Variants in ZNF827 observed in about 807,000 individuals in gnomAD.
The protein encoded by ZNF827 is zinc finger protein 827.
ZNF827 carries 13 observed loss-of-function variants against 102.4 expected under a neutral mutation model. That is an observed-to-expected ratio of 0.13 (90% CI 0.08 to 0.20). ZNF827 has a LOEUF of 0.20. Ranked by LOEUF, ZNF827 falls within the 10% of genes least tolerant of loss-of-function variation. The pLI, the probability that ZNF827 is intolerant of heterozygous loss-of-function variation, is 1.00. For synonymous variants in ZNF827, 523 were observed against 536.2 expected (o/e 0.98, Z 0.34); for missense variants, 1,103 against 1,344.4 (o/e 0.82, Z 2.81).
chr4:145,780,969 G>A (rs574530017), intron 8 of ZNF827, among the ~76,000 whole-genome samples: 23 of 152,280 alleles, frequency 1.5e-4, no homozygotes, highest in Non-Finnish European at 2.6e-4. Context: ...GGCCGAGGCA[G>A]GGGGATCACA....
At chr4:145,872,323 A>T (rs1281950857) in intron 4 of ZNF827, among the ~76,000 whole-genome samples, 2 of 151,600 alleles carry the variant, frequency 1.3e-5, no homozygotes, top group Admixed American at 6.6e-5. Flanking sequence ...GAATAAGAAG[A>T]GAGAGAGAGA....
intron 4 of ZNF827, 76 bp from the exon 5 acceptor site, chr4:145,870,554 G>A (rs1192625435): frequency 1.6e-6 from 2 of 1,276,930 alleles, no homozygotes; most frequent in Non-Finnish European, 2.2e-6. Flanking sequence ...ACTTCACGAA[G>A]TATGGAATGC....
At chr4:145,823,660 G>T in intron 7 of ZNF827, 135 bp from the exon 8 acceptor site, 1 of 631,540 alleles carries the variant, frequency 1.6e-6, no homozygotes. Flanking sequence ...GTGAATATAA[G>T]AAGATTGTGC....
intron 1 of ZNF827, among the ~76,000 whole-genome samples, chr4:145,922,697 CTGAGT>C (rs771302878): frequency 1.6e-4 from 24 of 152,200 alleles, no homozygotes; most frequent in Admixed American, 3.3e-4. Context: ...ACATGTGTGA[CTGAGT>C]TAAGAGCCGA....
At chr4:145,808,883 C>G (rs543747200) in intron 8 of ZNF827, among the ~76,000 whole-genome samples, 63 of 152,280 alleles carry the variant, frequency 4.1e-4, no homozygotes, top group African/African-American at 1.5e-3. Context: ...TCACTGCAGC[C>G]TTGAACTCCT....
At chr4:145,850,005 C>T (rs1002036705) in intron 5 of ZNF827, among the ~76,000 whole-genome samples, 7 of 152,034 alleles carry the variant, frequency 4.6e-5, no homozygotes, top group Middle Eastern at 3.4e-3. Flanking sequence ...TGGTTTTCTC[C>T]CTCTATTTTT....
intron 2 of ZNF827, among the ~76,000 whole-genome samples, chr4:145,895,682 A>G (rs1445192022): frequency 6.6e-6 from 1 of 152,230 alleles, no homozygotes; most frequent in African/African-American, 2.4e-5. Flanking sequence ...TATTTATTCA[A>G]GAAAGAAATT....
intron 8 of ZNF827, among the ~76,000 whole-genome samples, chr4:145,797,793 A>G (rs992791006): frequency 6.6e-6 from 1 of 152,172 alleles, no homozygotes; most frequent in African/African-American, 2.4e-5. Context: ...AATGGAAATG[A>G]TTTATTCTGG....
At chr4:145,846,432 C>T (rs940356244) in intron 6 of ZNF827, among the ~76,000 whole-genome samples, 4 of 150,318 alleles carry the variant, frequency 2.7e-5, no homozygotes, top group Middle Eastern at 3.4e-3. Flanking sequence ...GAGCCGAGAT[C>T]GCGCCACTAC....
intron 1 of ZNF827, among the ~76,000 whole-genome samples, chr4:145,927,430 T>C (rs1336262836): frequency 6.6e-6 from 1 of 152,036 alleles, no homozygotes; most frequent in Non-Finnish European, 1.5e-5. Context: ...AAACAGAGAG[T>C]AGGACCAATA....
At chr4:145,818,685 C>A (rs933374523) in intron 8 of ZNF827, among the ~76,000 whole-genome samples, 8 of 152,166 alleles carry the variant, frequency 5.3e-5, no homozygotes, top group African/African-American at 1.9e-4. Context: ...CTCTCGAGGC[C>A]TGAGTTGGGA....
At chr4:145,928,799 C>G (rs1753607540) in intron 1 of ZNF827, among the ~76,000 whole-genome samples, 1 of 152,122 alleles carries the variant, frequency 6.6e-6, no homozygotes, top group African/African-American at 2.4e-5. Context: ...AGTTTCTAAT[C>G]CAAACGCCTA....
chr4:145,847,220 C>G (rs913562808), intron 6 of ZNF827, among the ~76,000 whole-genome samples: 3 of 151,848 alleles, frequency 2.0e-5, no homozygotes, highest in Admixed American at 6.6e-5. Context: ...TATCAAATAT[C>G]AAGTATGTGG....
At chr4:145,917,909 C>T (rs1752784953) in intron 1 of ZNF827, among the ~76,000 whole-genome samples, 1 of 151,908 alleles carries the variant, frequency 6.6e-6, no homozygotes, top group Non-Finnish European at 1.5e-5. Flanking sequence ...TGCAACATTC[C>T]CACATATTAT....
At chr4:145,794,333 C>T (rs895141616) in intron 8 of ZNF827, among the ~76,000 whole-genome samples, 1 of 152,128 alleles carries the variant, frequency 6.6e-6, no homozygotes, top group Non-Finnish European at 1.5e-5. Context: ...GTCTTCTGAG[C>T]TGAAAATGTG....
At chr4:145,820,419 A>G (rs1264543249) in intron 8 of ZNF827, among the ~76,000 whole-genome samples, 1 of 152,224 alleles carries the variant, frequency 6.6e-6, no homozygotes, top group African/African-American at 2.4e-5. Flanking sequence ...CTGCTGAACA[A>G]AGACGTTTGC....
Position 145,851,540 on chromosome 4 carries a change from G to C in ZNF827, c.1982-1979C>G, listed in dbSNP as rs150107911. Reference sequence around the variant, plus strand: ...AAAAGAAGAGCATTTTAACCTAAATGATTAAAATTAATACAGTGCTATCAA... The same window carrying C: ...AAAAGAAGAGCATTTTAACCTAAATCATTAAAATTAATACAGTGCTATCAA... On this transcript the variant is annotated intron_variant, in intron 5 of 14. Coordinates refer to ENST00000508784, the MANE Select transcript of ZNF827 (RefSeq NM_001306215.2). 7.9e-5 allele frequency among the ~76,000 whole-genome samples: 12 copies of C among 152,310 alleles called. No individual in the cohort carries two copies. In the East Asian group the frequency reaches 2.3e-3, roughly 29 times the overall value.
chr4:145,924,796 T>A (rs1462588083), intron 1 of ZNF827, among the ~76,000 whole-genome samples: 1 of 152,214 alleles, frequency 6.6e-6, no homozygotes, highest in African/African-American at 2.4e-5. Context: ...CCCTTCCATA[T>A]TTTTCCTACT....
At chr4:145,879,218 C>T (rs369774670) in intron 4 of ZNF827, among the ~76,000 whole-genome samples, 31 of 152,180 alleles carry the variant, frequency 2.0e-4, no homozygotes, top group African/African-American at 7.5e-4. Context: ...CAGCCGAAAC[C>T]TTTAAGTCTC....
Sources: allele counts gnomAD v4.1 joint callset (sites outside exome capture counted in the v4.1 genomes callset), GRCh38; gene constraint gnomAD v4.1.1; transcripts MANE v1.5; gene names NCBI Gene and HGNC (gene_info 2026-07-23, HGNC 2026-07-21).